Variants in PDGFC observed in about 807,000 individuals in gnomAD.
The protein encoded by PDGFC is platelet derived growth factor C.
A neutral mutation model predicts 35.5 loss-of-function variants in PDGFC; 12 were observed. That is an observed-to-expected ratio of 0.34 (90% CI 0.22 to 0.55). The LOEUF (loss-of-function observed/expected upper bound fraction) is 0.55. Among genes scored for constraint, PDGFC ranks in the 20% least tolerant of loss-of-function variants. The pLI, the probability that PDGFC is intolerant of heterozygous loss-of-function variation, is 0.91. For missense variants in PDGFC, 322 were observed against 412.4 expected (o/e 0.78, Z 1.90); for synonymous variants, 159 against 148.8 (o/e 1.07, Z -0.50).
chr4:156,791,062 C>A (rs1026875487), intron 3 of PDGFC, among the ~76,000 whole-genome samples: 6 of 152,216 alleles, frequency 3.9e-5, no homozygotes, highest in African/African-American at 1.4e-4. Flanking sequence ...TGGCTTTGGG[C>A]TTCAGGAATT....
intron 3 of PDGFC, chr4:156,779,243 A>G: frequency 2.2e-6 from 1 of 447,274 alleles, no homozygotes; most frequent in Non-Finnish European, 4.5e-6. Context: ...AATTCATTCA[A>G]AAAGTTATCT....
Position 156,811,007 on chromosome 4 carries a change from C to G in PDGFC, c.325G>C (p.Val109Leu). 6.4e-7 allele frequency: 1 copy of G among 1,568,794 alleles called. No homozygotes were observed. Among genetic ancestry groups the G allele is most frequent in the Non-Finnish European group, 8.6e-7 (1 of 1,160,094 alleles). Residue 109 changes from valine to leucine, a missense_variant, in exon 3 of 6, where the codon GTA (valine) becomes CTA (leucine). Physicochemically the swap from Val to Leu is conservative, Grantham distance 32. This residue lies in a region of PDGFC where 202 missense variants were observed against 295.9 expected (regional missense o/e 0.68). Transcript: ENST00000502773. ...CCATCACTGGGTTCCTCAACTTCTA[C>G]AAAATCATACCTGCAAAAAGACAAA... ...PEDDICKYDF[V>L]EVEEPSDGTI...
At chr4:156,856,335 C>A (rs1268512883) in intron 1 of PDGFC, among the ~76,000 whole-genome samples, 2 of 152,176 alleles carry the variant, frequency 1.3e-5, no homozygotes, top group South Asian at 4.1e-4. Context: ...TAAGAAATAA[C>A]CAAAAATTAT....
chr4:156,931,599 C>A (rs1450423677), intron 1 of PDGFC, among the ~76,000 whole-genome samples: 1 of 152,126 alleles, frequency 6.6e-6, no homozygotes, highest in African/African-American at 2.4e-5. Flanking sequence ...AAGGCCAAGA[C>A]AATAGACAAA....
intron 1 of PDGFC, among the ~76,000 whole-genome samples, chr4:156,908,108 G>C (rs1297612247): frequency 3.9e-5 from 6 of 152,170 alleles, no homozygotes; most frequent in Non-Finnish European, 7.4e-5. Flanking sequence ...GGAGGTTGCA[G>C]TGAGCCGAGA....
At chr4:156,931,637 G>C (rs1344618324) in intron 1 of PDGFC, among the ~76,000 whole-genome samples, 9 of 152,064 alleles carry the variant, frequency 5.9e-5, no homozygotes, top group Non-Finnish European at 1.3e-4. Flanking sequence ...TAGAAACTAA[G>C]TTTACTGGCC....
chr4:156,808,669 G>A (rs189821446), intron 3 of PDGFC, among the ~76,000 whole-genome samples: 1 of 152,092 alleles, frequency 6.6e-6, no homozygotes, highest in African/African-American at 2.4e-5. Flanking sequence ...GGTGCATGGA[G>A]GGAGGGGTGT....
intron 1 of PDGFC, among the ~76,000 whole-genome samples, chr4:156,892,170 T>C (rs919999630): frequency 1.7e-4 from 26 of 152,256 alleles, no homozygotes; most frequent in African/African-American, 6.0e-4. Flanking sequence ...AAATAACACC[T>C]ACCTCATAAA....
intron 1 of PDGFC, among the ~76,000 whole-genome samples, chr4:156,964,010 G>C (rs1579129752): frequency 6.7e-6 from 1 of 149,212 alleles, no homozygotes; most frequent in Admixed American, 6.7e-5. Flanking sequence ...TTGAACTTCT[G>C]AATAGAATAT....
chr4:156,804,947 T>G (rs1731719567), intron 3 of PDGFC, among the ~76,000 whole-genome samples: 1 of 152,052 alleles, frequency 6.6e-6, no homozygotes, highest in African/African-American at 2.4e-5. Flanking sequence ...CTTACAATAA[T>G]CTGTCTGCCA....
chr4:156,922,972 T>C (rs1272199732), intron 1 of PDGFC, among the ~76,000 whole-genome samples: 1 of 152,190 alleles, frequency 6.6e-6, no homozygotes, highest in Non-Finnish European at 1.5e-5. Flanking sequence ...AACTTCCAAA[T>C]TGACCCTTTA....
intron 1 of PDGFC, among the ~76,000 whole-genome samples, chr4:156,922,764 G>A (rs975887487): frequency 1.3e-5 from 2 of 152,160 alleles, no homozygotes. Context: ...TTCCACATGA[G>A]CCAGTGAAGA....
At chr4:156,915,685 C>T (rs1028743299) in intron 1 of PDGFC, among the ~76,000 whole-genome samples, 2 of 151,950 alleles carry the variant, frequency 1.3e-5, no homozygotes, top group Non-Finnish European at 2.9e-5. Context: ...CTCAGCTACT[C>T]AGGAAGTTGA....
intron 1 of PDGFC, among the ~76,000 whole-genome samples, chr4:156,883,422 C>T (rs1310927901): frequency 3.3e-5 from 5 of 152,158 alleles, no homozygotes; most frequent in African/African-American, 1.2e-4. Context: ...GTGTACAACT[C>T]ATCACAGCCT....
intron 2 of PDGFC, among the ~76,000 whole-genome samples, chr4:156,815,764 T>C (rs1246580492): frequency 6.6e-6 from 1 of 152,226 alleles, no homozygotes; most frequent in Non-Finnish European, 1.5e-5. Flanking sequence ...TAATACACTC[T>C]CAGGTATTAA....
chr4:156,784,579 G>GA (rs574845198), intron 3 of PDGFC, among the ~76,000 whole-genome samples: 119 of 151,466 alleles, frequency 7.9e-4, no homozygotes, highest in Non-Finnish European at 1.4e-3. Context: ...TTGGCAGGGA[G>GA]AAAAAAATAA....
chr4:156,807,805 T>C (rs752411375), intron 3 of PDGFC, among the ~76,000 whole-genome samples: 1 of 152,068 alleles, frequency 6.6e-6, no homozygotes, highest in African/African-American at 2.4e-5. Flanking sequence ...TAATTTGTCC[T>C]AGAAAAAAAT....
intron 2 of PDGFC, among the ~76,000 whole-genome samples, chr4:156,845,228 G>A (rs1729297317): frequency 1.3e-5 from 2 of 151,536 alleles, no homozygotes; most frequent in Admixed American, 6.6e-5. Context: ...AAAATTGGCA[G>A]GGCGCCTCTA....
chr4:156,937,928 A>G (rs1731721461), intron 1 of PDGFC, among the ~76,000 whole-genome samples: 1 of 152,116 alleles, frequency 6.6e-6, no homozygotes, highest in Admixed American at 6.6e-5. Flanking sequence ...GAGAAACAAA[A>G]CCAGGGACTA....
Sources: gnomAD v4.1 joint callset for allele counts (sites outside exome capture counted in the v4.1 genomes callset) on GRCh38, gnomAD v4.1.1 for gene constraint, gnomAD v4.1.1 regional missense constraint, MANE v1.5 for transcripts, NCBI Gene and HGNC (gene_info 2026-07-23, HGNC 2026-07-21) for gene names.